The following TNFSF4 variants were observed in gnomAD, a reference collection of about 807,000 sequenced individuals.
TNFSF4 encodes the protein tumor necrosis factor ligand superfamily member 4.
In TNFSF4, 4 loss-of-function variants were observed where a neutral mutation model predicts 7.3. The observed-to-expected ratio is 0.55, with a 90% CI of 0.27 to 1.25. The LOEUF (loss-of-function observed/expected upper bound fraction) is 1.25, where lower values mean the gene tolerates loss of function less well. Ranked by LOEUF, TNFSF4 falls within the 50% of genes most tolerant of loss-of-function variation. The pLI is 0.12. For synonymous variants in TNFSF4, 76 were observed against 83.7 expected (o/e 0.91, Z 0.50); for missense variants, 181 against 208.8 (o/e 0.87, Z 0.82).
the TNFSF4 span, among the ~76,000 whole-genome samples, chr1:173,425,725 C>T: frequency 6.6e-6 from 1 of 152,250 alleles, no homozygotes; most frequent in African/African-American, 2.4e-5. Context: ...TTAATGCACA[C>T]ACAGCCTTTG....
chr1:173,178,147 T>TA, the TNFSF4 span, among the ~76,000 whole-genome samples: 2 of 152,198 alleles, frequency 1.3e-5, no homozygotes, highest in Admixed American at 1.3e-4. Context: ...CTTATTTTTG[T>TA]AAAAATCACA....
chr1:173,353,431 A>G, the TNFSF4 span, among the ~76,000 whole-genome samples: 1 of 152,160 alleles, frequency 6.6e-6, no homozygotes, highest in African/African-American at 2.4e-5. Context: ...TTCCCGCAAC[A>G]CATGTGCCTG....
At chr1:173,263,684 G>C in the TNFSF4 span, among the ~76,000 whole-genome samples, 1 of 151,860 alleles carries the variant, frequency 6.6e-6, no homozygotes, top group Non-Finnish European at 1.5e-5. Flanking sequence ...CCTTTAGTTT[G>C]AGACCTAGGG....
chr1:173,265,368 C>A, the TNFSF4 span, among the ~76,000 whole-genome samples: 1 of 152,192 alleles, frequency 6.6e-6, no homozygotes, highest in African/African-American at 2.4e-5. Flanking sequence ...AAAGGCTCTA[C>A]TTATCCTCTG....
At chr1:173,263,359 T>G in the TNFSF4 span, among the ~76,000 whole-genome samples, 1 of 152,212 alleles carries the variant, frequency 6.6e-6, no homozygotes, top group Non-Finnish European at 1.5e-5. Context: ...GCTGGAGGCA[T>G]AACGCTATTT....
chr1:173,317,489 C>T, the TNFSF4 span, among the ~76,000 whole-genome samples: 2 of 152,108 alleles, frequency 1.3e-5, no homozygotes, highest in Non-Finnish European at 2.9e-5. Flanking sequence ...CTTCACCCCA[C>T]CCAGGGGATG....
the TNFSF4 span, among the ~76,000 whole-genome samples, chr1:173,376,794 C>T: frequency 6.6e-5 from 10 of 152,180 alleles, no homozygotes; most frequent in African/African-American, 1.9e-4. Flanking sequence ...TTTGTTCTTT[C>T]GCTCTTCAAA....
the TNFSF4 span, among the ~76,000 whole-genome samples, chr1:173,400,347 C>T: frequency 5.9e-5 from 9 of 152,176 alleles, no homozygotes; most frequent in Non-Finnish European, 2.9e-5. Context: ...ATAGATAGTG[C>T]TGTTTCTCCC....
At chr1:173,361,894 T>A in the TNFSF4 span, among the ~76,000 whole-genome samples, 5 of 152,202 alleles carry the variant, frequency 3.3e-5, no homozygotes, top group Non-Finnish European at 5.9e-5. Flanking sequence ...AGGTTTGACA[T>A]GCCTAGTGCC....
At chr1:173,359,132 T>A in the TNFSF4 span, among the ~76,000 whole-genome samples, 4 of 152,236 alleles carry the variant, frequency 2.6e-5, no homozygotes, top group Non-Finnish European at 4.4e-5. Flanking sequence ...CAGCCTCTGT[T>A]ATGTCATACG....
chr1:173,291,214 C>T, the TNFSF4 span, among the ~76,000 whole-genome samples: 5 of 152,050 alleles, frequency 3.3e-5, no homozygotes, highest in African/African-American at 9.7e-5. Context: ...AGCAAGGGTG[C>T]GGATGGGAGG....
At chr1:173,321,998 T>A in the TNFSF4 span, among the ~76,000 whole-genome samples, 1 of 152,218 alleles carries the variant, frequency 6.6e-6, no homozygotes, top group Non-Finnish European at 1.5e-5. Context: ...CATTCTGCTA[T>A]AAAGGCCCAT....
chr1:173,205,400 A>C (rs1650143723), intron 1 of TNFSF4: 2 of 1,607,212 alleles, frequency 1.2e-6, no homozygotes, highest in South Asian at 2.2e-5. Context: ...CTTGTTGGAA[A>C]GGATCCCCTC....
At chr1:173,386,580 A>G in the TNFSF4 span, among the ~76,000 whole-genome samples, 6,808 of 152,194 alleles carry the variant, frequency 0.045, 538 homozygotes, top group African/African-American at 0.15. Context: ...CCAGAGAGCC[A>G]TGGGGTTGGG....
the TNFSF4 span, chr1:173,351,758 T>A: frequency 1.8e-6 from 1 of 567,124 alleles, no homozygotes; most frequent in Non-Finnish European, 3.2e-6. Context: ...GAGGACACTA[T>A]AAAGGTCAGC....
At chr1:173,369,547 GA>G in the TNFSF4 span, among the ~76,000 whole-genome samples, 196 of 151,640 alleles carry the variant, frequency 1.3e-3, no homozygotes, top group Non-Finnish European at 2.4e-3. Flanking sequence ...TGGGTGGGAG[GA>G]AAAAAAACAG....
chr1:173,327,102 C>T, the TNFSF4 span, among the ~76,000 whole-genome samples: 2 of 152,160 alleles, frequency 1.3e-5, no homozygotes, highest in Admixed American at 6.5e-5. Flanking sequence ...CATCATGCTA[C>T]CTGACTTCAA....
the TNFSF4 span, among the ~76,000 whole-genome samples, chr1:173,424,899 C>T: frequency 1.3e-5 from 2 of 152,154 alleles, no homozygotes; most frequent in African/African-American, 4.8e-5. Context: ...AGAATGCGAC[C>T]AGACAGGTGG....
chr1:173,301,608 A>G, the TNFSF4 span, among the ~76,000 whole-genome samples: 1 of 151,752 alleles, frequency 6.6e-6, no homozygotes, highest in Non-Finnish European at 1.5e-5. Flanking sequence ...CATTCAGCAA[A>G]TATCTGTTGA....
Sources: gnomAD v4.1 joint callset for allele counts (sites outside exome capture counted in the v4.1 genomes callset) on GRCh38, gnomAD v4.1.1 for gene constraint, MANE v1.5 for transcripts, NCBI Gene and HGNC (gene_info 2026-07-23, HGNC 2026-07-21) for gene names.